The following LAMC2 variants were observed in gnomAD, a reference collection of about 807,000 sequenced individuals.
The protein encoded by LAMC2 is laminin subunit gamma-2.
In LAMC2, 97 loss-of-function variants were observed where a neutral mutation model predicts 140.2. That is an observed-to-expected ratio of 0.69 (90% CI 0.59 to 0.82). LAMC2 has a LOEUF of 0.82. Ranked by LOEUF, LAMC2 falls within the 40% of genes least tolerant of loss-of-function variation. The probability of loss-of-function intolerance (pLI) is 0.00; values close to 1 mark genes in which losing one functional copy is unlikely to be tolerated. For missense variants in LAMC2, 1,402 were observed against 1,476.1 expected (o/e 0.95, Z 0.82); for synonymous variants, 513 against 540.2 (o/e 0.95, Z 0.70).
chr1:183,255,827 C>A, the LAMC2 span, among the ~76,000 whole-genome samples: 14 of 151,994 alleles, frequency 9.2e-5, no homozygotes, highest in Admixed American at 1.3e-4. Flanking sequence ...CAATGCCCAG[C>A]TAATTTTTGT....
chr1:183,237,320 AG>A, intron 17 of LAMC2, 31 bp from the exon 18 acceptor site: 1 of 1,613,546 alleles, frequency 6.2e-7, no homozygotes. Flanking sequence ...GGTAAGCAGA[AG>A]TCAGACTCCC....
chr1:183,239,329 ATCT>A, intron 19 of LAMC2, 32 bp from the exon 20 acceptor site: 3 of 1,601,112 alleles, frequency 1.9e-6, no homozygotes, highest in Non-Finnish European at 2.6e-6. Context: ...ATTTGCTTTC[ATCT>A]TCACGGCAGT....
chr1:183,227,592 G>A lies in LAMC2; in HGVS notation c.1363G>A (p.Asp455Asn), dbSNP rs748731218. 3.7e-6 allele frequency: 6 copies of A among 1,613,998 alleles called. No individual in the cohort carries two copies. The highest frequency in any genetic ancestry group is 1.1e-5 in the South Asian group (1 of 91,072). The change falls in exon 10 of 23, where the codon GAC becomes AAC. Residue 455 changes from aspartate (D) to asparagine (N), a missense_variant. Asp to Asn is a conservative substitution (Grantham distance 23, BLOSUM62 1). Coordinates refer to ENST00000264144, the MANE Select transcript of LAMC2 (RefSeq NM_005562.3). ...CPIGFYNDPH[D>N]PRSCKPCPCH... Reference sequence around the variant, plus strand: ...AATTGGTTTCTACAACGATCCGCACGACCCCCGCAGCTGCAAGCCATGTCC... The same window carrying A: ...AATTGGTTTCTACAACGATCCGCACAACCCCCGCAGCTGCAAGCCATGTCC...
At chr1:183,198,483 G>A (rs565960540) in intron 1 of LAMC2, among the ~76,000 whole-genome samples, 30 of 152,184 alleles carry the variant, frequency 2.0e-4, no homozygotes, top group Non-Finnish European at 3.1e-4. Flanking sequence ...ACTAATTCAC[G>A]GGAGATTACA....
the LAMC2 span, among the ~76,000 whole-genome samples, chr1:183,258,439 A>G: frequency 2.6e-5 from 4 of 152,156 alleles, no homozygotes; most frequent in African/African-American, 4.8e-5. Context: ...TCTTGCTTCT[A>G]ACCTCCAAGC....
the LAMC2 span, among the ~76,000 whole-genome samples, chr1:183,254,756 T>G: frequency 6.6e-6 from 1 of 152,224 alleles, no homozygotes; most frequent in East Asian, 1.9e-4. Context: ...AGTTTTTAGT[T>G]GAGTAATATG....
chr1:183,194,270 TGTAA>T (rs1400861100), intron 1 of LAMC2, among the ~76,000 whole-genome samples: 1 of 150,326 alleles, frequency 6.7e-6, no homozygotes, highest in Non-Finnish European at 1.5e-5. Flanking sequence ...AAAAAAAATC[TGTAA>T]GTAAGATGCT....
chr1:183,243,521 C>A lies in LAMC2; in HGVS notation c.*121C>A. On this transcript the variant is annotated 3_prime_UTR_variant, in exon 23 of 23. Transcript: ENST00000264144. ...ACATGTTTAATGGGTATGCTCAGGT[C>A]AACTGACCTGACCCCATTCCTGATC... is the stretch of plus-strand genomic sequence containing the variant. 1 of 1,254,736 alleles carries A rather than the reference C, an allele frequency of 8.0e-7. No individual in the cohort carries two copies. Among genetic ancestry groups the A allele is most frequent in the Non-Finnish European group, 1.2e-6 (1 of 864,536 alleles). The allele number at this position is 1,254,736 out of a possible 1,614,324, so 77.7% of individuals were successfully genotyped here. A position where few individuals can be genotyped will look rare whatever the true frequency, so the allele number is the denominator to read the frequency against.
At chr1:183,257,319 T>TCAG in the LAMC2 span, among the ~76,000 whole-genome samples, 6 of 151,990 alleles carry the variant, frequency 3.9e-5, no homozygotes, top group Non-Finnish European at 8.8e-5. Context: ...CAGGCACCTG[T>TCAG]AATCCCAGCT....
At position 183,235,660 on chromosome 1, in the gene LAMC2, G is replaced by A. The variant is rs758488601; in HGVS notation, c.2386G>A (p.Ala796Thr). The A allele has an allele frequency of 3.1e-6, 5 of 1,614,100 alleles. No individual in the cohort carries two copies. The South Asian group carries it at 4.4e-5, about 14-fold the overall frequency. ...ACAAGCCCTCTCACTGGTGCGCAAG[G>A]CCCTGCATGAAGGAGTCGGAAGCGG... ...SKQALSLVRK[A>T]LHEGVGSGSG... The change falls in exon 16 of 23, where the codon GCC becomes ACC. Residue 796 changes from alanine to threonine, a missense_variant. By Grantham distance (58) the Ala-to-Thr change is moderately conservative. Transcript: ENST00000264144.
chr1:183,205,239 C>T (rs1009261576), intron 1 of LAMC2, among the ~76,000 whole-genome samples: 15 of 152,154 alleles, frequency 9.9e-5, no homozygotes, highest in Middle Eastern at 3.2e-3. Context: ...TGAAGAACCT[C>T]GCAAGGACTG....
chr1:183,188,992 G>A (rs1658241402), intron 1 of LAMC2, among the ~76,000 whole-genome samples: 1 of 152,214 alleles, frequency 6.6e-6, no homozygotes, highest in Non-Finnish European at 1.5e-5. Flanking sequence ...TCATGTTTTA[G>A]AAAGGTCACT....
chr1:183,203,262 T>G (rs779673546), intron 1 of LAMC2, among the ~76,000 whole-genome samples: 6 of 152,216 alleles, frequency 3.9e-5, no homozygotes, highest in African/African-American at 9.6e-5. Flanking sequence ...AAGTGCTGCT[T>G]CTTACGCCCT....
chr1:183,199,027 T>TG (rs1315367909), intron 1 of LAMC2, among the ~76,000 whole-genome samples: 2 of 151,932 alleles, frequency 1.3e-5, no homozygotes, highest in African/African-American at 4.8e-5. Flanking sequence ...TGTAATGTAT[T>TG]GGGGAAATTT....
In LAMC2 at chr1:183,228,521, T is replaced by C; in HGVS notation, c.1616T>C (p.Leu539Ser). 1.9e-6 allele frequency: 3 copies of C among 1,613,936 alleles called. No individual in the cohort carries two copies. The change falls in exon 11 of 23, where the codon TTG (leucine) becomes TCG (serine). Residue 539 changes from leucine (L) to serine (S), a missense_variant. By Grantham distance (145) the Leu-to-Ser change is moderately radical. This residue lies in a region of LAMC2 where 723 missense variants were observed against 783.3 expected (regional missense o/e 0.92). Coordinates refer to ENST00000264144, the MANE Select transcript of LAMC2 (RefSeq NM_005562.3). This position sits in a 1 kb window ranked among gnomAD's most constrained non-coding sequence, Gnocchi z 4.3. The part of the protein sequence containing the change: ...GNCDRLTGRC[L>S]KCIHNTAGIY... Reference sequence around the variant, plus strand: ...TGTGACCGGCTGACAGGCAGGTGTTTGAAGTGTATCCACAACACAGCCGGC... The same window carrying C: ...TGTGACCGGCTGACAGGCAGGTGTTCGAAGTGTATCCACAACACAGCCGGC...
intron 1 of LAMC2, among the ~76,000 whole-genome samples, chr1:183,197,861 G>T (rs753093064): frequency 2.0e-5 from 3 of 152,050 alleles, no homozygotes; most frequent in Admixed American, 2.0e-4. Context: ...AGACTGAGAC[G>T]TTGTGGAGAT....
intron 2 of LAMC2, among the ~76,000 whole-genome samples, chr1:183,211,554 A>G (rs1451992343): frequency 1.3e-5 from 2 of 152,212 alleles, no homozygotes; most frequent in Non-Finnish European, 2.9e-5. Flanking sequence ...TCTGTGGCCA[A>G]GGCTGGAGTG....
At chr1:183,207,737 A>G (rs1301822032) in intron 1 of LAMC2, 144 bp from the exon 2 acceptor site, 3 of 742,910 alleles carry the variant, frequency 4.0e-6, no homozygotes, top group South Asian at 1.7e-5. Flanking sequence ...TTGCACTCCC[A>G]TATCTTCCTC....
intron 1 of LAMC2, among the ~76,000 whole-genome samples, chr1:183,194,180 A>G (rs144930224): frequency 0.088 from 13,389 of 151,976 alleles, 734 homozygotes; most frequent in East Asian, 0.2. Context: ...TTGGCCTCCC[A>G]AAGTGTTGGA....
Sources: allele counts gnomAD v4.1 joint callset (sites outside exome capture counted in the v4.1 genomes callset), GRCh38; gene constraint gnomAD v4.1.1; regional missense constraint gnomAD v4.1.1; non-coding constraint Gnocchi (gnomAD v3.1); transcripts MANE v1.5; gene names NCBI Gene and HGNC (gene_info 2026-07-23, HGNC 2026-07-21).